FAM118B: variants seen among roughly 807,000 people sequenced by gnomAD.
FAM118B encodes the protein SIR2 antiphage like 1, also known as protein FAM118B.
Under a neutral mutation model 38.5 loss-of-function variants are expected in FAM118B, and 24 were observed. That is an observed-to-expected ratio of 0.62 (90% confidence interval 0.45 to 0.88). The LOEUF is 0.88. FAM118B is among the 40% of genes least tolerant of loss of function. The pLI is 0.00. For synonymous variants in FAM118B, 138 were observed against 156.3 expected, an observed-to-expected ratio of 0.88 and a Z score of 0.87; for missense variants, 334 against 420.0, an observed-to-expected ratio of 0.80 and a Z score of 1.79.
intron 1 of FAM118B, among the ~76,000 whole-genome samples, chr11:126,214,914 A>C (rs1248310575): frequency 6.6e-6 from 1 of 152,222 alleles, no homozygotes; most frequent in Non-Finnish European, 1.5e-5. Context: ...ATTTAAGGTT[A>C]ATTAGTGGTA....
rs1211319948 is a variant in FAM118B, at chr11:126,250,698, C to G, written c.532C>G (p.Gln178Glu). 1 of 1,613,898 alleles carries G rather than the reference C, an allele frequency of 6.2e-7. No homozygotes were observed. Among genetic ancestry groups the G allele is most frequent in the Non-Finnish European group, 8.5e-7 (1 of 1,179,950 alleles). The change falls in exon 5 of 9, where the codon CAG (glutamine) becomes GAG (glutamate). Residue 178 changes from glutamine to glutamate, a missense_variant. Around this residue, in one of 3 missense-constraint regions of FAM118B, gnomAD observed 240 missense variants for 295.9 expected, o/e 0.81. Transcript: ENST00000533050. The surrounding 1 kb of genome is among the most constrained non-coding windows in gnomAD (Gnocchi z 5.1). ...LELYAADQGKQLESLDLTDEK... is the reference protein window; with the variant it reads ...LELYAADQGKELESLDLTDEK... ...ACTGTATGCAGCAGATCAGGGGAAA[C>G]AGCTTGAATCCCTTGACCTTACTGA...
Position 126,256,469 on chromosome 11 carries a change from G to A in FAM118B, c.697-98G>A. ...CAACCCACTTAAGTCTTGCTTAATTGGTCATCACAGTCTGCTCAACGTAGC... is the reference window on the plus strand; with the variant it reads ...CAACCCACTTAAGTCTTGCTTAATTAGTCATCACAGTCTGCTCAACGTAGC... On this transcript the variant is annotated intron_variant, in intron 6 of 8. Coordinates refer to ENST00000533050, the MANE Select transcript of FAM118B (RefSeq NM_024556.4). This position sits in a 1 kb window ranked among gnomAD's most constrained non-coding sequence, Gnocchi z 6.6. The A allele has an allele frequency of 9.1e-7, 1 of 1,098,940 alleles. No individual in the cohort carries two copies. Among genetic ancestry groups the A allele is most frequent in the East Asian group, 2.4e-5 (1 of 41,124 alleles). The allele number at this position is 1,098,940 out of a possible 1,614,324, so 68.1% of individuals were successfully genotyped here.
intron 1 of FAM118B, chr11:126,214,509 T>TG (rs1249053295): frequency 3.8e-5 from 2 of 53,006 alleles, no homozygotes; most frequent in African/African-American, 1.2e-4. Flanking sequence ...TTTTGTTTTT[T>TG]TTTTGTTTTT....
chr11:126,259,208 G>A (rs538248), intron 7 of FAM118B, among the ~76,000 whole-genome samples: 110,492 of 152,100 alleles, frequency 0.73, 41,226 homozygotes, highest in East Asian at 1. Flanking sequence ...ATAGACTAAT[G>A]AGAGGTTACA....
At position 126,214,193 on chromosome 11, in the gene FAM118B, C is replaced by CA. The variant is rs111316304; in HGVS notation, c.-77+2373dup. The CA allele has an allele frequency of 5.7e-4, 81 of 142,600 alleles. No homozygotes were observed. In the Middle Eastern group the frequency reaches 0.011, roughly 19 times the overall value. The allele number at this position is 142,600 out of a possible 1,614,324, so 8.8% of individuals were successfully genotyped here. ...GAAACCCCCGTCTCTACTAAAAATA[C>CA]AAAAAAAAAATTAGCCAGGCGCGGT... On this transcript the variant is annotated intron_variant, in intron 1 of 8. Coordinates refer to ENST00000533050, the MANE Select transcript of FAM118B (RefSeq NM_024556.4).
At chr11:126,242,803 A>C (rs1950375302) in intron 4 of FAM118B, among the ~76,000 whole-genome samples, 1 of 152,244 alleles carries the variant, frequency 6.6e-6, no homozygotes, top group Non-Finnish European at 1.5e-5. Flanking sequence ...GCTTTGGAAA[A>C]CAGATTGGCA....
chr11:126,248,433 C>T (rs992286504), intron 4 of FAM118B, among the ~76,000 whole-genome samples: 28 of 113,488 alleles, frequency 2.5e-4, no homozygotes, highest in African/African-American at 7.4e-4. Context: ...TGCAATGGTG[C>T]GATCTTGGCT....
At chr11:126,259,377 G>GTT (rs1950634721) in intron 7 of FAM118B, among the ~76,000 whole-genome samples, 8 of 148,794 alleles carry the variant, frequency 5.4e-5, no homozygotes, top group Admixed American at 4.7e-4. Flanking sequence ...GTGGGAAAAA[G>GTT]AAAAATAATT....
At chr11:126,261,772 T>C (rs902022716) in intron 8 of FAM118B, among the ~76,000 whole-genome samples, 2 of 152,188 alleles carry the variant, frequency 1.3e-5, no homozygotes, top group African/African-American at 4.8e-5. Flanking sequence ...GAGGATTGCT[T>C]GAGCCCAGGA....
At position 126,250,630 on chromosome 11, in the gene FAM118B, A is replaced by C. The variant is rs374721398; in HGVS notation, c.464A>C (p.Asn155Thr). ...LLQSVLHLME[N>T]GALVLTTNFD... ...CAGTCAGTTCTCCACCTGATGGAAAATGGAGCCCTCGTATTAACTACAAAT... is the reference window on the plus strand; with the variant it reads ...CAGTCAGTTCTCCACCTGATGGAAACTGGAGCCCTCGTATTAACTACAAAT... The change falls in exon 5 of 9, where the codon AAT (asparagine) becomes ACT (threonine). Residue 155 changes from asparagine (N) to threonine (T), a missense_variant. Coordinates refer to ENST00000533050, the MANE Select transcript of FAM118B (RefSeq NM_024556.4). The surrounding 1 kb of genome is among the most constrained non-coding windows in gnomAD (Gnocchi z 5.1). The C allele has an allele frequency of 1.1e-5, 18 of 1,614,058 alleles. No individual in the cohort carries two copies. The highest frequency in any genetic ancestry group is 2.7e-5 in the African/African-American group (2 of 74,950).
chr11:126,218,077 G>A lies in FAM118B; in HGVS notation c.-77+6247G>A, dbSNP rs1316380747. ...GACGGTTTTGATTCTGGAAATTCACGTCCTCTAGTTCCGGGATGTTTTCTT... is the reference window on the plus strand; with the variant it reads ...GACGGTTTTGATTCTGGAAATTCACATCCTCTAGTTCCGGGATGTTTTCTT... On this transcript the variant is annotated intron_variant, in intron 1 of 8. Transcript: ENST00000533050. Among the ~76,000 whole-genome samples the A allele has an allele frequency of 2.0e-5, 3 of 152,154 alleles. No homozygotes were observed. In the East Asian group the frequency reaches 5.8e-4, roughly 29 times the overall value.
At chr11:126,241,218 A>T in intron 4 of FAM118B, 174 bp downstream of exon 4, 1 of 614,722 alleles carries the variant, frequency 1.6e-6, no homozygotes, top group South Asian at 2.9e-5. Context: ...TATGGACCCT[A>T]CTCAGGACAG....
chr11:126,259,649 T>G, intron 7 of FAM118B, among the ~76,000 whole-genome samples: 1 of 151,566 alleles, frequency 6.6e-6, no homozygotes, highest in African/African-American at 2.4e-5. Flanking sequence ...ATGGTCTCGG[T>G]CTCCTGACCT....
intron 4 of FAM118B, among the ~76,000 whole-genome samples, chr11:126,247,338 G>T (rs1446451025): frequency 6.6e-6 from 1 of 152,134 alleles, no homozygotes; most frequent in Non-Finnish European, 1.5e-5. Flanking sequence ...AATCAATGCA[G>T]TTGCAGAATC....
At chr11:126,230,830 T>A (rs1467435004) in intron 2 of FAM118B, among the ~76,000 whole-genome samples, 2 of 152,178 alleles carry the variant, frequency 1.3e-5, no homozygotes, top group Admixed American at 1.3e-4. Context: ...CTTGCTATCT[T>A]TTTAGCACCA....
At chr11:126,228,527 T>C (rs1193226560) in intron 1 of FAM118B, among the ~76,000 whole-genome samples, 1 of 151,544 alleles carries the variant, frequency 6.6e-6, no homozygotes, top group Non-Finnish European at 1.5e-5. Context: ...CAGGAAAGTC[T>C]TCCCTTCATT....
chr11:126,227,155 C>T (rs532247334), intron 1 of FAM118B, among the ~76,000 whole-genome samples: 1 of 150,800 alleles, frequency 6.6e-6, no homozygotes, highest in Admixed American at 6.6e-5. Flanking sequence ...CTCCGCCTCC[C>T]GGGTTCAAGC....
intron 1 of FAM118B, among the ~76,000 whole-genome samples, chr11:126,228,546 TC>T (rs1950172135): frequency 6.6e-6 from 1 of 151,668 alleles, no homozygotes; most frequent in Admixed American, 6.6e-5. Flanking sequence ...TTAAGACTTG[TC>T]AATTTTTCGT....
intron 1 of FAM118B, among the ~76,000 whole-genome samples, chr11:126,221,284 C>T (rs185857996): frequency 3.3e-5 from 5 of 152,314 alleles, no homozygotes; most frequent in Admixed American, 1.3e-4. Context: ...GATTTACTTT[C>T]TTCCCTGGGT....
Sources: allele counts gnomAD v4.1 joint callset (sites outside exome capture counted in the v4.1 genomes callset), GRCh38; gene constraint gnomAD v4.1.1; regional missense constraint gnomAD v4.1.1; non-coding constraint Gnocchi (gnomAD v3.1); transcripts MANE v1.5; gene names NCBI Gene and HGNC (gene_info 2026-07-23, HGNC 2026-07-21).